The following CPVL variants were observed in gnomAD, a reference collection of about 807,000 sequenced individuals.
The protein encoded by CPVL is carboxypeptidase vitellogenic like.
A neutral mutation model predicts 63.7 loss-of-function variants in CPVL; 51 were observed. That is an observed-to-expected ratio of 0.80 (90% CI 0.64 to 1.01). The LOEUF (loss-of-function observed/expected upper bound fraction) is 1.01. Ranked by LOEUF, CPVL falls within the 50% of genes least tolerant of loss-of-function variation. The pLI, the probability that CPVL is intolerant of heterozygous loss-of-function variation, is 0.00. For missense variants in CPVL, 530 were observed against 573.1 expected, an observed-to-expected ratio of 0.92 and a Z score of 0.77; for synonymous variants, 195 against 206.0, an observed-to-expected ratio of 0.95 and a Z score of 0.46.
intron 3 of CPVL, among the ~76,000 whole-genome samples, chr7:29,099,961 A>C (rs1786922912): frequency 1.3e-5 from 2 of 152,154 alleles, no homozygotes; most frequent in Admixed American, 1.3e-4. Context: ...TGTAAACTCC[A>C]ATGTGCTGAA....
At chr7:29,025,462 G>A (rs1787397994) in intron 12 of CPVL, among the ~76,000 whole-genome samples, 1 of 152,116 alleles carries the variant, frequency 6.6e-6, no homozygotes, top group Admixed American at 6.5e-5. Context: ...CCAAGGGATT[G>A]GTGCAAAGCC....
At chr7:29,015,244 T>TCCA (rs1208960280) in intron 12 of CPVL, among the ~76,000 whole-genome samples, 1 of 152,222 alleles carries the variant, frequency 6.6e-6, no homozygotes, top group African/African-American at 2.4e-5. Context: ...AAATATTCTG[T>TCCA]CCACCACCAC....
chr7:29,130,304 T>C (rs993932747), intron 1 of CPVL, among the ~76,000 whole-genome samples: 1 of 152,184 alleles, frequency 6.6e-6, no homozygotes, highest in African/African-American at 2.4e-5. Flanking sequence ...AAAACTGATT[T>C]CTTACATCAA....
chr7:29,103,062 C>T (rs1469574014), intron 3 of CPVL, among the ~76,000 whole-genome samples: 1 of 151,744 alleles, frequency 6.6e-6, no homozygotes, highest in African/African-American at 2.4e-5. Flanking sequence ...CCTTTCCACC[C>T]TCATCTTCCA....
chr7:29,042,118 G>T (rs1051329102), intron 11 of CPVL, among the ~76,000 whole-genome samples: 1 of 151,944 alleles, frequency 6.6e-6, no homozygotes, highest in Non-Finnish European at 1.5e-5. Context: ...TCGGAGGAGC[G>T]GTCTGCGGTT....
rs191760767 is a variant in CPVL at position 29,096,712 on chromosome 7, G to A, written c.289-495C>T. Among the ~76,000 whole-genome samples the A allele has an allele frequency of 5.7e-4, 86 of 152,160 alleles. No individual in the cohort carries two copies. In the East Asian group the frequency reaches 0.013, roughly 22 times the overall value. ...TAAGAACGTGTTCACAGCTGGTCGC[G>A]GTGGCTCACGCCTGTAATCCCAGCA... On this transcript the variant is annotated intron_variant, in intron 3 of 12. Transcript: ENST00000265394.
At chr7:29,014,879 C>T (rs1005145456) in intron 12 of CPVL, among the ~76,000 whole-genome samples, 7 of 152,146 alleles carry the variant, frequency 4.6e-5, no homozygotes, top group Non-Finnish European at 1.0e-4. Flanking sequence ...CATAATGCTT[C>T]CTAAGCTGTT....
rs370616608 is a variant in CPVL at position 29,160,273 on chromosome 7, A to C, written c.-11+21017T>G. On this transcript the variant is annotated intron_variant, in intron 5 of 16. Coordinates refer to the CPVL transcript ENST00000409850. ...GTTCACGGTGACAGACATGAGCAGT[A>C]CATTCTGGAACCTATTAGACTAATG... Among the ~76,000 whole-genome samples, 7 of 152,320 alleles carry C rather than the reference A, an allele frequency of 4.6e-5. No individual in the cohort carries two copies. In the South Asian group the frequency reaches 6.2e-4, roughly 14 times the overall value.
intron 12 of CPVL, 141 bp downstream of exon 12, chr7:29,030,436 G>T: frequency 1.3e-6 from 1 of 776,908 alleles, no homozygotes; most frequent in Non-Finnish European, 2.1e-6. Context: ...TCTTCTCTGT[G>T]GAAAGTAGGG....
chr7:29,032,473 T>C (rs1226723801), intron 11 of CPVL, among the ~76,000 whole-genome samples: 1 of 152,212 alleles, frequency 6.6e-6, no homozygotes, highest in East Asian at 1.9e-4. Flanking sequence ...ATTGTTTATA[T>C]AGAGAAATTA....
At chr7:29,037,065 A>G (rs1157608199) in intron 11 of CPVL, among the ~76,000 whole-genome samples, 3 of 152,186 alleles carry the variant, frequency 2.0e-5, no homozygotes, top group Non-Finnish European at 4.4e-5. Context: ...GCTTTATTCT[A>G]TATTTGTAAT....
chr7:29,068,149 C>T lies in CPVL; in HGVS notation c.865-2028G>A, dbSNP rs143447768. 8.3e-3 allele frequency among the ~76,000 whole-genome samples: 1,253 copies of T among 151,784 alleles called. 8 individuals carry two copies. The highest frequency in any genetic ancestry group is 0.013 in the Non-Finnish European group (855 of 67,942). ...CCTCCCGAGTACCTGAGATTAAAGG[C>T]GCCTGCCACCACGCCCAGCTAATTT... is the stretch of plus-strand genomic sequence containing the variant. On this transcript the variant is annotated intron_variant, in intron 9 of 12. Coordinates refer to ENST00000265394, the MANE Select transcript of CPVL (RefSeq NM_031311.5).
At chr7:29,158,295 C>T (rs1483523068) in intron 5 of CPVL, among the ~76,000 whole-genome samples, 1 of 152,164 alleles carries the variant, frequency 6.6e-6, no homozygotes, top group Non-Finnish European at 1.5e-5. Context: ...TTCTTAGGAC[C>T]TCAGTTTCCA....
chr7:29,172,769 T>G (rs1796767218), intron 5 of CPVL, among the ~76,000 whole-genome samples: 1 of 152,158 alleles, frequency 6.6e-6, no homozygotes, highest in African/African-American at 2.4e-5. Context: ...ATTTTAATAT[T>G]ATAAAACTTT....
At chr7:29,089,314 G>A (rs1562763227) in intron 6 of CPVL, among the ~76,000 whole-genome samples, 1 of 152,186 alleles carries the variant, frequency 6.6e-6, no homozygotes, top group Non-Finnish European at 1.5e-5. Context: ...CCCAAAGACA[G>A]CACTGGAATC....
At chr7:29,012,713 G>GA (rs1166687918) in intron 12 of CPVL, 5 of 152,148 alleles carry the variant, frequency 3.3e-5, no homozygotes, top group African/African-American at 4.8e-5. Flanking sequence ...CATACTTCAG[G>GA]AATCAGAATG....
intron 7 of CPVL, among the ~76,000 whole-genome samples, chr7:29,081,112 G>A (rs1784667441): frequency 6.6e-6 from 1 of 152,172 alleles, no homozygotes; most frequent in Admixed American, 6.5e-5. Context: ...TCCCGTGAGG[G>A]CTGTTTTGCT....
chr7:29,130,881 C>T (rs1790619522), intron 1 of CPVL, among the ~76,000 whole-genome samples: 1 of 152,192 alleles, frequency 6.6e-6, no homozygotes, highest in Admixed American at 6.5e-5. Context: ...AAGTGAAAAT[C>T]ACAGGTCCAC....
intron 4 of CPVL, among the ~76,000 whole-genome samples, chr7:29,183,584 C>T (rs1233626193): frequency 6.6e-6 from 1 of 150,516 alleles, no homozygotes. Context: ...ACCATGTTGG[C>T]CAGGCTGGTC....
Sources: allele counts gnomAD v4.1 joint callset (sites outside exome capture counted in the v4.1 genomes callset), GRCh38; gene constraint gnomAD v4.1.1; transcripts MANE v1.5; gene names NCBI Gene and HGNC (gene_info 2026-07-23, HGNC 2026-07-21).